The following PPIP5K2 variants were observed in gnomAD, a reference collection of about 807,000 sequenced individuals.
PPIP5K2 encodes diphosphoinositol pentakisphosphate kinase 2, also known as inositol hexakisphosphate and diphosphoinositol-pentakisphosphate kinase 2.
PPIP5K2 carries 105 observed loss-of-function variants against 154.6 expected under a neutral mutation model. That is an observed-to-expected ratio of 0.68 (90% CI 0.58 to 0.80). PPIP5K2 has a LOEUF of 0.80. PPIP5K2 is among the 30% of genes least tolerant of loss of function. The pLI is 0.00. For missense variants in PPIP5K2, 992 were observed against 1,504.6 expected (o/e 0.66, Z 5.64); for synonymous variants, 480 against 490.3 (o/e 0.98, Z 0.28).
rs185873180 is a variant in PPIP5K2, at chr5:103,154,724, C to T, written c.1272C>T (p.Leu424=). ...CDGYKSGKLK[L]KKPKQLQEVL... is the part of the protein sequence containing the mutation. The stretch of plus-strand genomic sequence containing the variant: ...GATATAAATCAGGGAAATTAAAACT[C>T]AAAAAACCAAAACAGTTACAGGCAA... Residue 424 remains leucine (L), a synonymous_variant, in exon 12 of 31, where the codon CTC becomes CTT. Coordinates refer to ENST00000358359, the MANE Select transcript of PPIP5K2 (RefSeq NM_001276277.3). 1.3e-6 allele frequency: 2 copies of T among 1,585,220 alleles called. No homozygotes were observed. Among genetic ancestry groups the T allele is most frequent in the African/African-American group, 2.7e-5 (2 of 73,962 alleles).
At chr5:103,146,418 C>A in intron 5 of PPIP5K2, 109 bp from the exon 6 acceptor site, 1 of 1,150,110 alleles carries the variant, frequency 8.7e-7, no homozygotes, top group Non-Finnish European at 1.2e-6. Context: ...GTACATTATC[C>A]AAGTTTTCTT....
chr5:103,175,203 T>G (rs1028987150), intron 21 of PPIP5K2, among the ~76,000 whole-genome samples: 3 of 152,162 alleles, frequency 2.0e-5, no homozygotes, highest in Non-Finnish European at 2.9e-5. Flanking sequence ...TAGGTCTGTT[T>G]CCTAATCAAT....
rs781885970 is a variant in PPIP5K2, at chr5:103,190,937, A to G, written c.3448A>G (p.Ile1150Val). ...GCAAGTGGATGAATTTCTTGCTTCC[A>G]TTGCTTCTCCATCATCTGACGTTCC... Reference protein sequence around the residue: ...LKQVDEFLASIASPSSDVPRK... With the variant: ...LKQVDEFLASVASPSSDVPRK... Residue 1150 changes from isoleucine to valine, a missense_variant, in exon 29 of 31, where the codon ATT becomes GTT. By Grantham distance (29) the Ile-to-Val change is conservative. Around this residue, in one of 9 missense-constraint regions of PPIP5K2, gnomAD observed 131 missense variants for 117.8 expected, o/e 1.11. Transcript: ENST00000358359. 6.2e-7 allele frequency: 1 copy of G among 1,610,548 alleles called. No homozygotes were observed. The highest frequency in any genetic ancestry group is 8.5e-7 in the Non-Finnish European group (1 of 1,178,116).
intron 16 of PPIP5K2, 123 bp downstream of exon 16, chr5:103,158,696 C>G: frequency 1.3e-6 from 1 of 751,370 alleles, no homozygotes; most frequent in Non-Finnish European, 2.0e-6. Context: ...CTGAGGTGGT[C>G]AGATCACTAG....
chr5:103,142,421 T>G (rs1438201335), intron 5 of PPIP5K2, among the ~76,000 whole-genome samples: 1 of 151,876 alleles, frequency 6.6e-6, no homozygotes, highest in Non-Finnish European at 1.5e-5. Flanking sequence ...CGCCTCTCCC[T>G]CCACATCTCC....
At chr5:103,163,719 C>T (rs765577280) in intron 17 of PPIP5K2, among the ~76,000 whole-genome samples, 1 of 151,850 alleles carries the variant, frequency 6.6e-6, no homozygotes, top group Non-Finnish European at 1.5e-5. Flanking sequence ...ATTATAAAAA[C>T]GTACTGAATT....
chr5:103,198,581 G>A (rs782226196), intron 30 of PPIP5K2, among the ~76,000 whole-genome samples: 2 of 152,042 alleles, frequency 1.3e-5, no homozygotes, highest in Non-Finnish European at 1.5e-5. Flanking sequence ...TTGGAGCTCT[G>A]TTACATAATT....
At chr5:103,169,549 C>G (rs1168398635) in intron 19 of PPIP5K2, among the ~76,000 whole-genome samples, 4 of 151,684 alleles carry the variant, frequency 2.6e-5, no homozygotes, top group Non-Finnish European at 5.9e-5. Context: ...TACGTGTTAA[C>G]AATTAGCTTG....
chr5:103,158,460 G>A lies in PPIP5K2; in HGVS notation c.1624G>A (p.Ala542Thr). 1 of 1,604,626 alleles carries A rather than the reference G, an allele frequency of 6.2e-7. No individual in the cohort carries two copies. The highest frequency in any genetic ancestry group is 8.5e-7 in the Non-Finnish European group (1 of 1,177,728). Reference protein sequence around the residue: ...CMYPGGQGDYAGFPGCGLLRL... With the variant: ...CMYPGGQGDYTGFPGCGLLRL... Reference sequence around the variant, plus strand: ...TGAGGATTTATTTTCAGGAGATTATGCAGGATTTCCTGGTTGTGGTTTACT... The same window carrying A: ...TGAGGATTTATTTTCAGGAGATTATACAGGATTTCCTGGTTGTGGTTTACT... Residue 542 changes from alanine (A) to threonine (T), a missense_variant, in exon 16 of 31, where the codon GCA (alanine) becomes ACA (threonine). Physicochemically the swap from Ala to Thr is moderately conservative, Grantham distance 58. Transcript: ENST00000358359.
intron 4 of PPIP5K2, among the ~76,000 whole-genome samples, chr5:103,137,076 C>T (rs1237031557): frequency 1.3e-5 from 2 of 152,106 alleles, no homozygotes; most frequent in African/African-American, 2.4e-5. Context: ...GTTTAATTTC[C>T]AGAGCCTACT....
chr5:103,149,422 A>AT, intron 8 of PPIP5K2, 109 bp downstream of exon 8: 2 of 996,030 alleles, frequency 2.0e-6, no homozygotes. Flanking sequence ...CGAGAAAGTA[A>AT]TTAATACATC....
chr5:103,132,316 C>G (rs1272183183), intron 2 of PPIP5K2, among the ~76,000 whole-genome samples: 1 of 152,010 alleles, frequency 6.6e-6, no homozygotes, highest in Non-Finnish European at 1.5e-5. Context: ...CCGAAGCAGA[C>G]AGATCATGAG....
In PPIP5K2 at chr5:103,187,249, C is replaced by T. The variant is rs906861369; in HGVS notation, c.3290-65C>T. The T allele has an allele frequency of 4.0e-5, 51 of 1,275,272 alleles. No homozygotes were observed. The Middle Eastern group carries it at 1.1e-3, about 27-fold the overall frequency. The allele number at this position is 1,275,272 out of a possible 1,614,324, so 79.0% of individuals were successfully genotyped here. On this transcript the variant is annotated intron_variant, in intron 27 of 30. Transcript: ENST00000358359. ...CTCCTCATATATTTGTTTTTCCCCTCTTTCTTTTAAGTGTTCTTTTTGTAG... is the reference window on the plus strand; with the variant it reads ...CTCCTCATATATTTGTTTTTCCCCTTTTTCTTTTAAGTGTTCTTTTTGTAG...
intron 5 of PPIP5K2, among the ~76,000 whole-genome samples, chr5:103,139,370 C>T (rs1792151192): frequency 6.6e-6 from 1 of 152,128 alleles, no homozygotes; most frequent in South Asian, 2.1e-4. Flanking sequence ...ACTAGCCATG[C>T]AAGAATGCAC....
intron 24 of PPIP5K2, among the ~76,000 whole-genome samples, chr5:103,180,420 A>G (rs964724600): frequency 6.6e-6 from 1 of 152,172 alleles, no homozygotes; most frequent in Non-Finnish European, 1.5e-5. Context: ...ATGCAAATAT[A>G]AAATAAGCTG....
intron 5 of PPIP5K2, among the ~76,000 whole-genome samples, chr5:103,143,114 T>A (rs949196260): frequency 1.6e-4 from 24 of 152,220 alleles, no homozygotes; most frequent in Non-Finnish European, 2.8e-4. Flanking sequence ...ATGTTATTTG[T>A]AAGCCTTATG....
At position 103,205,296 on chromosome 5, in the gene PPIP5K2, A is replaced by G. The variant is rs1344904673; in HGVS notation, c.*3662A>G. ...CTTTGCTATTGTGAATAGTGCCACA[A>G]TAAACATACGTGTGCATGTGTCTTT... On this transcript the variant is annotated 3_prime_UTR_variant, in exon 31 of 31. Transcript: ENST00000358359. 2.0e-5 allele frequency: 3 copies of G among 152,236 alleles called. No individual in the cohort carries two copies. The highest frequency in any genetic ancestry group is 6.5e-5 in the Admixed American group (1 of 15,278). 9.4% of individuals were successfully genotyped at this position (152,236 alleles called of 1,614,324 possible). A position where few individuals can be genotyped will look rare whatever the true frequency, so the allele number is the denominator to read the frequency against.
chr5:103,154,724 CA>C lies in PPIP5K2; in HGVS notation c.1278del (p.Lys426AsnfsTer9). The C allele has an allele frequency of 6.3e-7, 1 of 1,585,214 alleles. No individual in the cohort carries two copies. Reference sequence around the variant, plus strand: ...GATATAAATCAGGGAAATTAAAACTCAAAAAACCAAAACAGTTACAGGCAAG... The same window carrying C: ...GATATAAATCAGGGAAATTAAAACTCAAAAACCAAAACAGTTACAGGCAAG... ...DGYKSGKLKL[K>X]KPKQLQEVLD... is the part of the protein sequence containing the mutation. On this transcript the variant is annotated frameshift_variant, in exon 12 of 31. Transcript: ENST00000358359. LOFTEE classifies it high-confidence loss of function.
In PPIP5K2 at chr5:103,177,777, A is replaced by C; in HGVS notation, c.2637+3A>C. On this transcript the variant is annotated splice_donor_region_variant and intron_variant, in intron 22 of 30. Coordinates refer to ENST00000358359, the MANE Select transcript of PPIP5K2 (RefSeq NM_001276277.3). Reference sequence around the variant, plus strand: ...TGCTTTATGAGGATCCTAATAAGGTAAACAGAGCTCTTGATTTGTGTTTTA... The same window carrying C: ...TGCTTTATGAGGATCCTAATAAGGTCAACAGAGCTCTTGATTTGTGTTTTA... 1 of 1,604,524 alleles carries C rather than the reference A, an allele frequency of 6.2e-7. No homozygotes were observed. Among genetic ancestry groups the C allele is most frequent in the Non-Finnish European group, 8.5e-7 (1 of 1,172,670 alleles).
Sources: allele counts gnomAD v4.1 joint callset (sites outside exome capture counted in the v4.1 genomes callset), GRCh38; gene constraint gnomAD v4.1.1; regional missense constraint gnomAD v4.1.1; transcripts MANE v1.5; gene names NCBI Gene and HGNC (gene_info 2026-07-23, HGNC 2026-07-21).